The following MARF1 variants were observed in gnomAD, a reference collection of about 807,000 sequenced individuals.
MARF1 encodes the protein meiosis regulator and mRNA stability factor 1, also known as limkain-b1.
Under a neutral mutation model 168.2 loss-of-function variants are expected in MARF1, and 24 were observed. The ratio of observed to expected loss-of-function variants is 0.14; its 90% confidence interval spans 0.10 to 0.20. The LOEUF is 0.20. MARF1 is among the 10% of genes least tolerant of loss of function. MARF1 has a pLI of 1.00. For missense variants in MARF1, 1,744 were observed against 2,143.6 expected (o/e 0.81, Z 3.68); for synonymous variants, 868 against 822.4 (o/e 1.06, Z -0.95).
chr16:15,604,512 T>A, intron 21 of MARF1, 114 bp from the exon 22 acceptor site: 1 of 682,504 alleles, frequency 1.5e-6, no homozygotes. Context: ...AAATCTCTAA[T>A]TTTTTTCTCT....
At position 15,604,186 on chromosome 16, in the gene MARF1, G is replaced by C; in HGVS notation, c.4395C>G (p.Ser1465Arg). 6.2e-7 allele frequency: 1 copy of C among 1,613,714 alleles called. No homozygotes were observed. The highest frequency in any genetic ancestry group is 8.5e-7 in the Non-Finnish European group (1 of 1,179,606). ...GFMTLTELLK[S>R]LPYLVEVFTN... ...TGCCTACCTCAACCAAGTATGGCAGGCTCTTCAGCAGTTCGGTCAAGGTCA... is the reference window on the plus strand; with the variant it reads ...TGCCTACCTCAACCAAGTATGGCAGCCTCTTCAGCAGTTCGGTCAAGGTCA... Residue 1465 changes from serine to arginine, a missense_variant, in exon 22 of 27, where the codon AGC becomes AGG. Transcript: ENST00000396368.
chr16:15,630,715 C>T (rs556866617), intron 6 of MARF1, among the ~76,000 whole-genome samples: 79 of 150,360 alleles, frequency 5.3e-4, no homozygotes, highest in South Asian at 1.0e-3. Flanking sequence ...ATGTTACTTT[C>T]AGTATTAAAA....
In MARF1 at chr16:15,595,484, T is replaced by C. The variant is rs1304464474; in HGVS notation, c.*1209A>G. ...AATACAATCCATTGTAAATGTCAGG[T>C]TTCTCTAGAGGGGGGTGAGAGGCCA... On this transcript the variant is annotated 3_prime_UTR_variant, in exon 27 of 27. Transcript: ENST00000396368. The C allele has an allele frequency of 6.6e-6, 1 of 152,454 alleles. No individual in the cohort carries two copies. The highest frequency in any genetic ancestry group is 6.6e-5 in the Admixed American group (1 of 15,256). The allele number at this position is 152,454 out of a possible 1,614,324, so 9.4% of individuals were successfully genotyped here.
At chr16:15,634,258 G>A (rs570596502) in intron 4 of MARF1, among the ~76,000 whole-genome samples, 1 of 152,184 alleles carries the variant, frequency 6.6e-6, no homozygotes, top group Non-Finnish European at 1.5e-5. Flanking sequence ...AGCTGACAAA[G>A]GGTGAAGCTG....
intron 10 of MARF1, among the ~76,000 whole-genome samples, chr16:15,624,302 A>T (rs2034681110): frequency 6.6e-6 from 1 of 152,328 alleles, no homozygotes; most frequent in East Asian, 1.9e-4. Flanking sequence ...GGAATGCAAC[A>T]CGGCCTTACG....
Position 15,610,981 on chromosome 16 carries a change from T to G in MARF1, c.3745A>C (p.Lys1249Gln). ...QDNEMVICIP[K>Q]RERTQDEIER... ...CAAATGTTAAGTCACATACCTCTTTTGGGGATACAAATCACCATTTCATTA... is the reference window on the plus strand; with the variant it reads ...CAAATGTTAAGTCACATACCTCTTTGGGGGATACAAATCACCATTTCATTA... Residue 1249 changes from lysine (K) to glutamine (Q), a missense_variant, in exon 19 of 27, where the codon AAA becomes CAA. This residue lies in a region of MARF1 where 543 missense variants were observed against 742.1 expected (regional missense o/e 0.73). Coordinates refer to ENST00000396368, the MANE Select transcript of MARF1 (RefSeq NM_014647.4). The G allele has an allele frequency of 6.2e-7, 1 of 1,613,758 alleles. No homozygotes were observed. Among genetic ancestry groups the G allele is most frequent in the Non-Finnish European group, 8.5e-7 (1 of 1,179,756 alleles).
chr16:15,614,003 G>C (rs929096167), intron 16 of MARF1, among the ~76,000 whole-genome samples: 8 of 152,124 alleles, frequency 5.3e-5, no homozygotes, highest in African/African-American at 1.9e-4. Context: ...AGCAGCCTTG[G>C]ATATCTGCAA....
intron 18 of MARF1, 133 bp from the exon 19 acceptor site, chr16:15,611,241 G>A (rs982754919): frequency 3.2e-5 from 25 of 786,946 alleles, no homozygotes; most frequent in South Asian, 2.6e-4. Context: ...GACGGATCAC[G>A]AGGTCAAGAG....
Position 15,623,974 on chromosome 16 carries a change from C to T in MARF1, c.2270+795G>A, listed in dbSNP as rs373405683. Among the ~76,000 whole-genome samples the T allele has an allele frequency of 7.5e-5, 11 of 146,588 alleles. No individual in the cohort carries two copies. In the East Asian group the frequency reaches 1.2e-3, roughly 16 times the overall value. ...TCACCCAGGCTGGAGTGCAGTCATG[C>T]GATCTGAGCTCACTGCAACCTCCAC... On this transcript the variant is annotated intron_variant, in intron 10 of 26. Coordinates refer to ENST00000396368, the MANE Select transcript of MARF1 (RefSeq NM_014647.4).
intron 21 of MARF1, among the ~76,000 whole-genome samples, chr16:15,604,695 C>T (rs2032850795): frequency 6.6e-6 from 1 of 152,028 alleles, no homozygotes; most frequent in Non-Finnish European, 1.5e-5. Flanking sequence ...CTTTCCAAAC[C>T]CCACTATAAG....
chr16:15,637,886 G>A (rs900939487), intron 2 of MARF1, among the ~76,000 whole-genome samples: 4 of 152,216 alleles, frequency 2.6e-5, no homozygotes, highest in Non-Finnish European at 4.4e-5. Flanking sequence ...ATTAATACCC[G>A]GCCAGGCGCG....
intron 25 of MARF1, 187 bp from the exon 26 acceptor site, chr16:15,599,211 T>G: frequency 1.6e-6 from 1 of 620,550 alleles, no homozygotes; most frequent in Non-Finnish European, 2.8e-6. Context: ...AAGATCCTGG[T>G]AATGGAACGC....
At chr16:15,629,112 G>A (rs1470453606) in intron 7 of MARF1, among the ~76,000 whole-genome samples, 1 of 150,244 alleles carries the variant, frequency 6.7e-6, no homozygotes, top group Non-Finnish European at 1.5e-5. Flanking sequence ...TCAGCTCACT[G>A]CAACCTTCAC....
Position 15,615,976 on chromosome 16 carries a change from C to T in MARF1, c.3107G>A (p.Gly1036Asp), listed in dbSNP as rs2034012656. 4 of 1,542,502 alleles carry T rather than the reference C, an allele frequency of 2.6e-6. No individual in the cohort carries two copies. Among genetic ancestry groups the T allele is most frequent in the Non-Finnish European group, 2.6e-6 (3 of 1,141,312 alleles). ...SFPDCYIAEF[G>D]DLEVVQENQG... ...GTTTTCTTGCACTACTTCTAGATCG[C>T]CAAACTCTGCAATGTAACAATCTGG... Residue 1036 changes from glycine (G) to aspartate (D), a missense_variant, in exon 16 of 27, where the codon GGC (glycine) becomes GAC (aspartate). By Grantham distance (94) the Gly-to-Asp change is moderately conservative. Around this residue, in one of 7 missense-constraint regions of MARF1, gnomAD observed 543 missense variants for 742.1 expected, o/e 0.73. Transcript: ENST00000396368.
intron 4 of MARF1, 54 bp downstream of exon 4, chr16:15,634,703 T>G (rs967467092): frequency 9.1e-4 from 1,372 of 1,508,438 alleles, no homozygotes; most frequent in Middle Eastern, 1.2e-3. Context: ...AATGTTAGTA[T>G]GAGATATTGA....
chr16:15,605,286 C>T (rs902140977), intron 21 of MARF1, among the ~76,000 whole-genome samples: 2 of 152,170 alleles, frequency 1.3e-5, no homozygotes, highest in Non-Finnish European at 2.9e-5. Context: ...AAGGTCTTGG[C>T]AGGGCTAAGT....
chr16:15,601,683 G>A lies in MARF1; in HGVS notation c.4626+308C>T, dbSNP rs899234437. The stretch of plus-strand genomic sequence containing the variant: ...GCCCTGACACGGCCCTCCTCAGCGC[G>A]CCCACTGCCCTGACCGCCCTGACTA... On this transcript the variant is annotated intron_variant, in intron 23 of 26. Coordinates refer to ENST00000396368, the MANE Select transcript of MARF1 (RefSeq NM_014647.4). 4.6e-5 allele frequency: 21 copies of A among 453,726 alleles called. No individual in the cohort carries two copies. The East Asian group carries it at 5.8e-4, about 12-fold the overall frequency. The allele number at this position is 453,726 out of a possible 1,614,324, so 28.1% of individuals were successfully genotyped here.
At position 15,594,542 on chromosome 16, in the gene MARF1, AG is replaced by A. The variant is rs35532234; in HGVS notation, c.*2150del. 4 of 152,776 alleles carry A rather than the reference AG, an allele frequency of 2.6e-5. No homozygotes were observed. Among genetic ancestry groups the A allele is most frequent in the Admixed American group, 6.5e-5 (1 of 15,302 alleles). 9.5% of individuals were successfully genotyped at this position (152,776 alleles called of 1,614,324 possible). A position where few individuals can be genotyped will look rare whatever the true frequency, so the allele number is the denominator to read the frequency against. ...CAAAACAAACAGTGCAAGATGGGAA[AG>A]GGGGTTTTGGTGATAACTTTTGTCA... On this transcript the variant is annotated 3_prime_UTR_variant, in exon 27 of 27. Coordinates refer to ENST00000396368, the MANE Select transcript of MARF1 (RefSeq NM_014647.4).
In MARF1 at chr16:15,595,724, CT is replaced by C. The variant is rs2031617735; in HGVS notation, c.*968del. The C allele has an allele frequency of 3.3e-5, 5 of 152,322 alleles. No individual in the cohort carries two copies. In the South Asian group the frequency reaches 1.0e-3, roughly 32 times the overall value. 9.4% of individuals were successfully genotyped at this position (152,322 alleles called of 1,614,324 possible). A position where few individuals can be genotyped will look rare whatever the true frequency, so the allele number is the denominator to read the frequency against. The stretch of plus-strand genomic sequence containing the variant: ...CAAGGTTAAGTGGATCAACCTTGGC[CT>C]TCCTATGTGTAGGTAGAATTCCTGT... On this transcript the variant is annotated 3_prime_UTR_variant, in exon 27 of 27. Coordinates refer to ENST00000396368, the MANE Select transcript of MARF1 (RefSeq NM_014647.4).
Sources: gnomAD v4.1 joint callset for allele counts (sites outside exome capture counted in the v4.1 genomes callset) on GRCh38, gnomAD v4.1.1 for gene constraint, gnomAD v4.1.1 regional missense constraint, MANE v1.5 for transcripts, NCBI Gene and HGNC (gene_info 2026-07-23, HGNC 2026-07-21) for gene names.